Variants in ST3GAL1 observed in about 807,000 individuals in gnomAD.
The protein encoded by ST3GAL1 is CMP-N-acetylneuraminate-beta-galactosamide-alpha-2,3-sialyltransferase 1.
A neutral mutation model predicts 34.1 loss-of-function variants in ST3GAL1; 16 were observed. The observed-to-expected ratio is 0.47, with a 90% CI of 0.32 to 0.71. The LOEUF (loss-of-function observed/expected upper bound fraction) is 0.71. Among genes scored for constraint, ST3GAL1 ranks in the 30% least tolerant of loss-of-function variants. ST3GAL1 has a pLI of 0.04. For synonymous variants in ST3GAL1, 191 were observed against 184.7 expected (o/e 1.03, Z -0.28); for missense variants, 353 against 447.4 (o/e 0.79, Z 1.90).
At chr8:133,509,278 A>C (rs886158531) in intron 2 of ST3GAL1, among the ~76,000 whole-genome samples, 3 of 152,276 alleles carry the variant, frequency 2.0e-5, no homozygotes, top group Admixed American at 2.0e-4. Context: ...GCTACTGAAC[A>C]GGACAGTACA....
rs1484551345 is a variant in ST3GAL1 at position 133,510,912 on chromosome 8, G to A, written c.-428-11723C>T. On this transcript the variant is annotated intron_variant, in intron 2 of 9. Coordinates refer to ENST00000522652, the MANE Select transcript of ST3GAL1 (RefSeq NM_173344.3). ...AGGGAATGAAGCAGGTGACTGCGGC[G>A]GCCAATCTTTGGCTCTTTTTTCCTA... Among the ~76,000 whole-genome samples the A allele has an allele frequency of 6.6e-5, 10 of 152,250 alleles. 1 individual carries two copies. In the South Asian group the frequency reaches 2.1e-3, roughly 32 times the overall value.
rs777105579 is a variant in ST3GAL1 at position 133,461,840 on chromosome 8, G to A, written c.849+35C>T. On this transcript the variant is annotated intron_variant, in intron 9 of 9. Transcript: ENST00000522652. This position sits in a 1 kb window ranked among gnomAD's most constrained non-coding sequence, Gnocchi z 4.7. ...TTGGGAACACAGGACGGTGAGCTTC[G>A]AGGCAGCCCTGTGGGCAGGGGGAGG... The A allele has an allele frequency of 1.4e-5, 22 of 1,612,910 alleles. No homozygotes were observed. The highest frequency in any genetic ancestry group is 4.0e-5 in the African/African-American group (3 of 74,908).
intron 2 of ST3GAL1, among the ~76,000 whole-genome samples, chr8:133,544,696 T>C (rs907377897): frequency 2.6e-5 from 4 of 152,186 alleles, no homozygotes; most frequent in Non-Finnish European, 5.9e-5. Context: ...TCTACTTGCA[T>C]AAATAAAACT....
intron 3 of ST3GAL1, among the ~76,000 whole-genome samples, chr8:133,493,178 G>T (rs1488956856): frequency 1.3e-5 from 2 of 152,190 alleles, no homozygotes; most frequent in Admixed American, 1.3e-4. Context: ...TCATTAGAAG[G>T]CCTCCCACAT....
At chr8:133,557,049 G>A (rs1819056705) in intron 1 of ST3GAL1, among the ~76,000 whole-genome samples, 1 of 152,150 alleles carries the variant, frequency 6.6e-6, no homozygotes, top group Admixed American at 6.6e-5. Context: ...TTCAGGCAAT[G>A]GCCAACCTCA....
At chr8:133,503,569 G>A (rs1817248770) in intron 2 of ST3GAL1, among the ~76,000 whole-genome samples, 1 of 151,618 alleles carries the variant, frequency 6.6e-6, no homozygotes, top group African/African-American at 2.4e-5. Context: ...CTCCACCCTA[G>A]CTGGGCCAAT....
chr8:133,479,645 G>A (rs529468549), intron 3 of ST3GAL1, among the ~76,000 whole-genome samples: 18 of 152,108 alleles, frequency 1.2e-4, no homozygotes, highest in African/African-American at 1.7e-4. Flanking sequence ...CTGCCTCTGC[G>A]TGAGAGATAT....
intron 2 of ST3GAL1, among the ~76,000 whole-genome samples, chr8:133,523,976 C>T (rs926383741): frequency 6.6e-6 from 1 of 152,112 alleles, no homozygotes; most frequent in African/African-American, 2.4e-5. Flanking sequence ...AGCCTGTGAC[C>T]CTCCAGTCAG....
chr8:133,462,068 A>C, intron 8 of ST3GAL1, 74 bp from the exon 9 acceptor site: 1 of 1,601,352 alleles, frequency 6.2e-7, no homozygotes, highest in South Asian at 1.1e-5. Context: ...TCAGATGTAC[A>C]TACTGTTGTG....
At chr8:133,535,525 A>ATTTTTTTTTTTTTTT (rs112708766) in intron 2 of ST3GAL1, among the ~76,000 whole-genome samples, 1 of 144,936 alleles carries the variant, frequency 6.9e-6, no homozygotes, top group African/African-American at 2.7e-5. Flanking sequence ...GTATTTTTTA[A>ATTTTTTTTTTTTTTT]TTTTTTTTTT....
chr8:133,542,702 G>A (rs563292150), intron 2 of ST3GAL1, among the ~76,000 whole-genome samples: 7 of 150,678 alleles, frequency 4.6e-5, no homozygotes, highest in Non-Finnish European at 8.8e-5. Flanking sequence ...TTGAACCTGG[G>A]AGACAGAGGT....
At chr8:133,552,333 C>T (rs1485839741) in intron 1 of ST3GAL1, among the ~76,000 whole-genome samples, 5 of 152,114 alleles carry the variant, frequency 3.3e-5, no homozygotes, top group South Asian at 2.1e-4. Context: ...CAAGTTGCCC[C>T]GGAAGTAGGA....
Position 133,526,302 on chromosome 8 carries a change from C to T in ST3GAL1, c.-429+19472G>A, listed in dbSNP as rs114977601. 4.8e-3 allele frequency among the ~76,000 whole-genome samples: 730 copies of T among 152,244 alleles called. 2 individuals carry two copies. Among genetic ancestry groups the T allele is most frequent in the African/African-American group, 0.017 (687 of 41,550 alleles). On this transcript the variant is annotated intron_variant, in intron 2 of 9. Transcript: ENST00000522652. ...TGCTATTATTCTACCATACTCATTC[C>T]CCAGCCAGAGTCTGGGACCTGGGCT...
chr8:133,567,708 C>T (rs1819444144), intron 1 of ST3GAL1, among the ~76,000 whole-genome samples: 1 of 152,142 alleles, frequency 6.6e-6, no homozygotes, highest in Admixed American at 6.5e-5. Context: ...GGTGTGGGCT[C>T]CGAATGGTCC....
chr8:133,501,440 A>C (rs1817150587), intron 2 of ST3GAL1, among the ~76,000 whole-genome samples: 2 of 152,084 alleles, frequency 1.3e-5, no homozygotes, highest in Admixed American at 1.3e-4. Flanking sequence ...ATCTATAAGA[A>C]CATTTATGTA....
At chr8:133,504,198 C>A (rs1326179378) in intron 2 of ST3GAL1, among the ~76,000 whole-genome samples, 2 of 152,208 alleles carry the variant, frequency 1.3e-5, no homozygotes, top group Non-Finnish European at 2.9e-5. Context: ...TGGAAAAGGG[C>A]AGTGCCTTCC....
At chr8:133,563,829 C>T (rs1044702860) in intron 1 of ST3GAL1, among the ~76,000 whole-genome samples, 1 of 152,112 alleles carries the variant, frequency 6.6e-6, no homozygotes, top group Non-Finnish European at 1.5e-5. Flanking sequence ...ACATGTGCAC[C>T]CCGAAGACCA....
intron 2 of ST3GAL1, among the ~76,000 whole-genome samples, chr8:133,539,308 C>T (rs1455369464): frequency 2.0e-5 from 3 of 152,282 alleles, no homozygotes; most frequent in Non-Finnish European, 2.9e-5. Context: ...GGATTCCCAC[C>T]GCCAACTCCC....
chr8:133,559,599 G>A (rs7820431), intron 1 of ST3GAL1, among the ~76,000 whole-genome samples: 70,478 of 151,948 alleles, frequency 0.46, 17,245 homozygotes, highest in East Asian at 0.59. Context: ...CCTGAGCAAC[G>A]GTCTTTATTC....
Sources: gnomAD v4.1 joint callset for allele counts (sites outside exome capture counted in the v4.1 genomes callset) on GRCh38, gnomAD v4.1.1 for gene constraint, Gnocchi (gnomAD v3.1) non-coding constraint, MANE v1.5 for transcripts, NCBI Gene and HGNC (gene_info 2026-07-23, HGNC 2026-07-21) for gene names.